Variants in LUZP2 observed in about 807,000 individuals in gnomAD.
LUZP2 encodes leucine zipper protein 2.
LUZP2 carries 52 observed loss-of-function variants against 51.6 expected under a neutral mutation model. That is an observed-to-expected ratio of 1.01 (90% confidence interval 0.81 to 1.27). The LOEUF is 1.27. Among genes scored for constraint, LUZP2 ranks in the 50% most tolerant of loss-of-function variants. The pLI, the probability that LUZP2 is intolerant of heterozygous loss-of-function variation, is 0.00. For missense variants in LUZP2, 436 were observed against 395.4 expected, an observed-to-expected ratio of 1.10 and a Z score of -0.87; for synonymous variants, 154 against 137.3, an observed-to-expected ratio of 1.12 and a Z score of -0.85.
rs372396754 is a variant in LUZP2, at chr11:24,714,776, G to T, written c.63-14393G>T. On this transcript the variant is annotated intron_variant, in intron 1 of 11. Coordinates refer to ENST00000336930, the MANE Select transcript of LUZP2 (RefSeq NM_001009909.4). ...ACATGCAACCTAAGGGACAGCCTGA[G>T]AAATTTGATAGCCTGACTACTAGAG... Among the ~76,000 whole-genome samples, 6 of 152,312 alleles carry T rather than the reference G, an allele frequency of 3.9e-5. No homozygotes were observed. In the East Asian group the frequency reaches 9.7e-4, roughly 25 times the overall value.
chr11:24,791,838 ACTTT>A (rs1172825518), intron 5 of LUZP2, among the ~76,000 whole-genome samples: 4 of 152,132 alleles, frequency 2.6e-5, no homozygotes, highest in Non-Finnish European at 5.9e-5. Context: ...GAAGCTTAGA[ACTTT>A]CTTTCTGTGG....
At chr11:24,626,534 CAAGGTAGCCTTT>C (rs1206348217) in intron 1 of LUZP2, among the ~76,000 whole-genome samples, 1 of 152,126 alleles carries the variant, frequency 6.6e-6, no homozygotes, top group Non-Finnish European at 1.5e-5. Flanking sequence ...TCATCAATGA[CAAGGTAGCCTTT>C]CAGTCAGTTG....
intron 9 of LUZP2, among the ~76,000 whole-genome samples, chr11:25,020,193 A>C (rs565829810): frequency 1.3e-5 from 2 of 152,210 alleles, no homozygotes; most frequent in South Asian, 2.1e-4. Context: ...GAGCAATAGC[A>C]AAAAAAGGAT....
chr11:24,645,981 G>A (rs564485242), intron 1 of LUZP2, among the ~76,000 whole-genome samples: 2 of 152,146 alleles, frequency 1.3e-5, no homozygotes, highest in South Asian at 4.1e-4. Context: ...AGAAATAGGG[G>A]TCCTGGAGGA....
At position 24,892,457 on chromosome 11, in the gene LUZP2, A is replaced by G. The variant is rs1043085762; in HGVS notation, c.397-13534A>G. The G allele has an allele frequency of 7.4e-4, 663 of 891,066 alleles. 1 individual carries two copies. Among genetic ancestry groups the G allele is most frequent in the Non-Finnish European group, 8.7e-4 (647 of 743,956 alleles). 55.2% of individuals were successfully genotyped at this position (891,066 alleles called of 1,614,324 possible). Reference sequence around the variant, plus strand: ...AAATTTATAATTCAACATTTATACCATCCAGAAAAAGTTAAAATATATTAA... The same window carrying G: ...AAATTTATAATTCAACATTTATACCGTCCAGAAAAAGTTAAAATATATTAA... On this transcript the variant is annotated intron_variant, in intron 5 of 11. Transcript: ENST00000336930.
chr11:25,027,809 G>T (rs979769132), intron 9 of LUZP2, among the ~76,000 whole-genome samples: 1 of 151,046 alleles, frequency 6.6e-6, no homozygotes, highest in Non-Finnish European at 1.5e-5. Flanking sequence ...GGCAGAGGTT[G>T]CAGTGAGCTG....
At position 24,898,578 on chromosome 11, in the gene LUZP2, G is replaced by A. The variant is rs140726720; in HGVS notation, c.397-7413G>A. On this transcript the variant is annotated intron_variant, in intron 5 of 11. Coordinates refer to ENST00000336930, the MANE Select transcript of LUZP2 (RefSeq NM_001009909.4). Reference sequence around the variant, plus strand: ...GCAGAGCTTACAGTGAGCCCAGATCGTGCCACTGTACTCCAGCCTGTGCGA... The same window carrying A: ...GCAGAGCTTACAGTGAGCCCAGATCATGCCACTGTACTCCAGCCTGTGCGA... Among the ~76,000 whole-genome samples the A allele has an allele frequency of 3.9e-3, 589 of 151,914 alleles. 2 individuals carry two copies. The highest frequency in any genetic ancestry group is 6.2e-3 in the Non-Finnish European group (424 of 67,962).
At chr11:24,525,841 A>C (rs1473922403) in intron 1 of LUZP2, among the ~76,000 whole-genome samples, 1 of 151,396 alleles carries the variant, frequency 6.6e-6, no homozygotes, top group Non-Finnish European at 1.5e-5. Context: ...AATATATATA[A>C]AGTAAAAACT....
chr11:24,922,825 CT>C (rs1277388215), intron 7 of LUZP2, among the ~76,000 whole-genome samples: 494 of 44,602 alleles, frequency 0.011, 3 homozygotes, highest in Middle Eastern at 0.066. Flanking sequence ...ACAGTTATAT[CT>C]TTTTTTTTTT....
intron 4 of LUZP2, among the ~76,000 whole-genome samples, chr11:24,756,077 T>C (rs533198519): frequency 6.6e-6 from 1 of 152,236 alleles, no homozygotes; most frequent in Admixed American, 6.6e-5. Flanking sequence ...CCCCTTATGT[T>C]AACCCCAAGC....
At chr11:24,543,543 G>A (rs1851444771) in intron 1 of LUZP2, among the ~76,000 whole-genome samples, 1 of 152,002 alleles carries the variant, frequency 6.6e-6, no homozygotes, top group South Asian at 2.1e-4. Flanking sequence ...TATGAGCGAG[G>A]AAATAGAGAC....
chr11:24,926,898 C>G (rs1854292285), intron 7 of LUZP2, among the ~76,000 whole-genome samples: 1 of 151,516 alleles, frequency 6.6e-6, no homozygotes, highest in Non-Finnish European at 1.5e-5. Context: ...TTCACACCAA[C>G]AACTATTTTT....
chr11:24,497,331 G>C, intron 1 of LUZP2, 26 bp downstream of exon 1: 1 of 1,481,098 alleles, frequency 6.8e-7, no homozygotes, highest in Non-Finnish European at 9.0e-7. Context: ...TGAGTGACCT[G>C]AGGCCAGGGG....
chr11:24,965,060 G>A (rs934576287), intron 7 of LUZP2, among the ~76,000 whole-genome samples: 1 of 151,316 alleles, frequency 6.6e-6, no homozygotes, highest in African/African-American at 2.4e-5. Context: ...TAGCTGAGAA[G>A]TCCCATTAAG....
chr11:24,953,732 C>T (rs1855139933), intron 7 of LUZP2, among the ~76,000 whole-genome samples: 3 of 151,962 alleles, frequency 2.0e-5, no homozygotes, highest in Admixed American at 2.0e-4. Context: ...TATGTGGCAC[C>T]TACGTCAAAC....
At chr11:24,617,849 A>G (rs1854341559) in intron 1 of LUZP2, among the ~76,000 whole-genome samples, 1 of 151,994 alleles carries the variant, frequency 6.6e-6, no homozygotes, top group Admixed American at 6.6e-5. Flanking sequence ...AATAATAACA[A>G]TAATAAATAA....
intron 1 of LUZP2, among the ~76,000 whole-genome samples, chr11:24,644,395 A>G (rs2133950756): frequency 6.6e-6 from 1 of 152,230 alleles, no homozygotes; most frequent in African/African-American, 2.4e-5. Context: ...TGCTGTTTAC[A>G]ACTGCACAAT....
chr11:24,999,832 G>C (rs1856627301), intron 9 of LUZP2, among the ~76,000 whole-genome samples: 1 of 152,138 alleles, frequency 6.6e-6, no homozygotes, highest in Non-Finnish European at 1.5e-5. Context: ...TGAAGCTGCA[G>C]ACCCTCGTGT....
intron 1 of LUZP2, among the ~76,000 whole-genome samples, chr11:24,500,724 G>C (rs7109828): frequency 6.6e-6 from 1 of 151,848 alleles, no homozygotes. Flanking sequence ...AGGAGTGAAG[G>C]TCTATTGACT....
Sources: gnomAD v4.1 joint callset for allele counts (sites outside exome capture counted in the v4.1 genomes callset) on GRCh38, gnomAD v4.1.1 for gene constraint, MANE v1.5 for transcripts, NCBI Gene and HGNC (gene_info 2026-07-23, HGNC 2026-07-21) for gene names.